Variants in ROBO1 observed in about 807,000 individuals in gnomAD.
ROBO1 encodes roundabout guidance receptor 1.
Under a neutral mutation model 195.9 loss-of-function variants are expected in ROBO1, and 149 were observed. That is an observed-to-expected ratio of 0.76 (90% confidence interval 0.67 to 0.87). The LOEUF (loss-of-function observed/expected upper bound fraction) is 0.87. Ranked by LOEUF, ROBO1 falls within the 40% of genes least tolerant of loss-of-function variation. The pLI, the probability that ROBO1 is intolerant of heterozygous loss-of-function variation, is 0.00. For missense variants in ROBO1, 1,933 were observed against 2,068.3 expected (o/e 0.93, Z 1.27); for synonymous variants, 816 against 733.2 (o/e 1.11, Z -1.82).
At chr3:78,920,124 T>A (rs2038852768) in intron 4 of ROBO1, among the ~76,000 whole-genome samples, 1 of 152,190 alleles carries the variant, frequency 6.6e-6, no homozygotes, top group South Asian at 2.1e-4. Context: ...TAGTAACAAT[T>A]ATATTCCCAA....
intron 18 of ROBO1, among the ~76,000 whole-genome samples, chr3:78,654,586 A>G (rs1706879730): frequency 6.6e-6 from 1 of 152,198 alleles, no homozygotes; most frequent in South Asian, 2.1e-4. Context: ...AACAGCCAAG[A>G]GAGGTCCTAT....
At chr3:79,371,951 T>C (rs1004598620) in intron 2 of ROBO1, among the ~76,000 whole-genome samples, 1 of 152,146 alleles carries the variant, frequency 6.6e-6, no homozygotes, top group African/African-American at 2.4e-5. Context: ...CTGTTCCACC[T>C]CAGATCATCA....
intron 3 of ROBO1, among the ~76,000 whole-genome samples, chr3:78,966,129 T>A (rs2076638955): frequency 1.3e-5 from 2 of 152,124 alleles, no homozygotes; most frequent in African/African-American, 4.8e-5. Flanking sequence ...GTTGTGCTCT[T>A]CTTATGAGAG....
At chr3:79,146,444 T>G (rs559367726) in intron 2 of ROBO1, among the ~76,000 whole-genome samples, 4 of 152,152 alleles carry the variant, frequency 2.6e-5, no homozygotes, top group African/African-American at 9.6e-5. Flanking sequence ...TATTATACTT[T>G]TGTAGGGCTA....
At chr3:79,578,918 A>G (rs1038244726) in intron 2 of ROBO1, among the ~76,000 whole-genome samples, 1 of 152,212 alleles carries the variant, frequency 6.6e-6, no homozygotes, top group African/African-American at 2.4e-5. Flanking sequence ...ATAATAATCT[A>G]TTAAGAACTA....
chr3:78,941,739 C>T (rs1298798962), intron 3 of ROBO1, among the ~76,000 whole-genome samples: 4 of 152,110 alleles, frequency 2.6e-5, no homozygotes, highest in African/African-American at 4.8e-5. Context: ...CTGCAAGCTG[C>T]TTAGTATGGC....
At chr3:78,762,934 T>A (rs2083142116) in intron 4 of ROBO1, among the ~76,000 whole-genome samples, 1 of 152,018 alleles carries the variant, frequency 6.6e-6, no homozygotes, top group South Asian at 2.1e-4. Flanking sequence ...TTGGAGGGGA[T>A]CATAGACATG....
At chr3:78,727,901 C>A (rs2082201792) in intron 5 of ROBO1, among the ~76,000 whole-genome samples, 1 of 151,764 alleles carries the variant, frequency 6.6e-6, no homozygotes, top group South Asian at 2.1e-4. Context: ...ATTCTATAAA[C>A]ATGTATATTT....
chr3:78,791,491 A>G (rs2084018861), intron 4 of ROBO1, among the ~76,000 whole-genome samples: 1 of 152,216 alleles, frequency 6.6e-6, no homozygotes, highest in East Asian at 1.9e-4. Flanking sequence ...GAATGGATAT[A>G]TCCTGAATCT....
intron 2 of ROBO1, among the ~76,000 whole-genome samples, chr3:79,563,002 C>A (rs1445402265): frequency 6.8e-6 from 1 of 146,994 alleles, no homozygotes; most frequent in Non-Finnish European, 1.5e-5. Flanking sequence ...ATTGCATTCC[C>A]AGTATCCAAT....
intron 2 of ROBO1, among the ~76,000 whole-genome samples, chr3:79,233,342 A>G (rs1038342345): frequency 9.2e-5 from 14 of 152,116 alleles, no homozygotes; most frequent in South Asian, 2.1e-4. Context: ...AGGAAATATA[A>G]TCACAGAACA....
intron 14 of ROBO1, among the ~76,000 whole-genome samples, chr3:78,663,854 G>A (rs998077448): frequency 1.3e-5 from 2 of 152,140 alleles, no homozygotes; most frequent in Admixed American, 6.5e-5. Flanking sequence ...CAGTTTCCAA[G>A]TACTTCCCTC....
chr3:79,584,048 T>C (rs983665146), intron 2 of ROBO1, among the ~76,000 whole-genome samples: 5 of 151,876 alleles, frequency 3.3e-5, no homozygotes, highest in African/African-American at 4.8e-5. Flanking sequence ...TATTTAACAA[T>C]TTATTGCTAA....
intron 1 of ROBO1, among the ~76,000 whole-genome samples, chr3:79,730,396 T>C (rs1257428932): frequency 2.6e-5 from 4 of 152,206 alleles, no homozygotes; most frequent in Admixed American, 1.3e-4. Flanking sequence ...TCACTGAATA[T>C]TCATTCTAAT....
chr3:79,554,969 T>G (rs1383846716), intron 2 of ROBO1, among the ~76,000 whole-genome samples: 5 of 152,020 alleles, frequency 3.3e-5, no homozygotes, highest in African/African-American at 1.2e-4. Context: ...TGAGAACAAC[T>G]AAACTAGCAG....
intron 4 of ROBO1, among the ~76,000 whole-genome samples, chr3:78,864,183 G>A (rs892591439): frequency 1.3e-5 from 2 of 152,150 alleles, no homozygotes; most frequent in Admixed American, 6.5e-5. Flanking sequence ...AAAACAAACA[G>A]TTGGCTTCAT....
chr3:79,760,460 T>C (rs1466275285), intron 1 of ROBO1, among the ~76,000 whole-genome samples: 1 of 68,392 alleles, frequency 1.5e-5, no homozygotes, highest in Non-Finnish European at 3.3e-5. Flanking sequence ...AGAAAAAAGA[T>C]AAAACAGCCT....
rs568925487 is a variant in ROBO1 at position 79,397,842 on chromosome 3, A to C, written c.88+191982T>G. Among the ~76,000 whole-genome samples the C allele has an allele frequency of 3.9e-5, 6 of 152,292 alleles. 1 individual carries two copies. Among genetic ancestry groups the C allele is most frequent in the Non-Finnish European group, 8.8e-5 (6 of 68,010 alleles). On this transcript the variant is annotated intron_variant, in intron 2 of 30. Coordinates refer to ENST00000464233, the MANE Select transcript of ROBO1 (RefSeq NM_002941.4). The stretch of plus-strand genomic sequence containing the variant: ...AAGCTACTTAACCTCTCTGTCTCTC[A>C]TATTATTCATCTGTAAAATGAGAAC...
intron 19 of ROBO1, among the ~76,000 whole-genome samples, chr3:78,651,315 C>A (rs1195650696): frequency 6.6e-6 from 1 of 152,164 alleles, no homozygotes; most frequent in African/African-American, 2.4e-5. Flanking sequence ...GCAGTATTTT[C>A]TATTTTGCTT....
Sources: allele counts gnomAD v4.1 joint callset (sites outside exome capture counted in the v4.1 genomes callset), GRCh38; gene constraint gnomAD v4.1.1; transcripts MANE v1.5; gene names NCBI Gene and HGNC (gene_info 2026-07-23, HGNC 2026-07-21).